SUGCT: variants seen among roughly 807,000 people sequenced by gnomAD.
SUGCT encodes succinyl-CoA:glutarate CoA-transferase.
Under a neutral mutation model 55.0 loss-of-function variants are expected in SUGCT, and 41 were observed. That is an observed-to-expected ratio of 0.74 (90% CI 0.58 to 0.97). The LOEUF (loss-of-function observed/expected upper bound fraction) is 0.97, where lower values mean the gene tolerates loss of function less well. SUGCT is among the 50% of genes least tolerant of loss of function. The probability of loss-of-function intolerance (pLI) is 0.00; values close to 1 mark genes in which losing one functional copy is unlikely to be tolerated. For missense variants in SUGCT, 568 were observed against 547.8 expected, an observed-to-expected ratio of 1.04 and a Z score of -0.37; for synonymous variants, 187 against 200.4, an observed-to-expected ratio of 0.93 and a Z score of 0.56.
At chr7:40,481,718 T>C (rs1791057562) in intron 11 of SUGCT, among the ~76,000 whole-genome samples, 1 of 152,140 alleles carries the variant, frequency 6.6e-6, no homozygotes, top group African/African-American at 2.4e-5. Flanking sequence ...TTTTTCCCTA[T>C]AACACTTGGA....
the SUGCT span, among the ~76,000 whole-genome samples, chr7:40,993,488 A>G: frequency 6.6e-6 from 1 of 152,176 alleles, no homozygotes; most frequent in Non-Finnish European, 1.5e-5. Context: ...CTCAGAGGGA[A>G]GATGGAAAAT....
intron 12 of SUGCT, among the ~76,000 whole-genome samples, chr7:40,713,738 T>G (rs1334693539): frequency 6.6e-6 from 1 of 152,168 alleles, no homozygotes; most frequent in Non-Finnish European, 1.5e-5. Context: ...AATTTGAGTG[T>G]TTGTCTGGGA....
At chr7:40,404,000 A>G (rs1477220078) in intron 9 of SUGCT, among the ~76,000 whole-genome samples, 8 of 152,306 alleles carry the variant, frequency 5.3e-5, no homozygotes, top group South Asian at 2.1e-4. Flanking sequence ...TTCCTTTTCC[A>G]CGCTGTAGCC....
Position 40,344,651 on chromosome 7 carries a change from T to G in SUGCT, c.816+27796T>G, listed in dbSNP as rs542358694. On this transcript the variant is annotated intron_variant, in intron 9 of 13. Transcript: ENST00000335693. ...CCTGCAAAGCTGAACATATTTATCA[T>G]GAACCATTTACAGAAAAAGTTTGCT... Among the ~76,000 whole-genome samples, 6 of 152,330 alleles carry G rather than the reference T, an allele frequency of 3.9e-5. No individual in the cohort carries two copies. The South Asian group carries it at 1.2e-3, about 32-fold the overall frequency.
intron 7 of SUGCT, among the ~76,000 whole-genome samples, chr7:40,261,561 T>C (rs1003207909): frequency 2.0e-5 from 3 of 152,210 alleles, no homozygotes; most frequent in Non-Finnish European, 4.4e-5. Context: ...TCCATTGTAG[T>C]GCTTGCCTGG....
At chr7:40,230,778 C>T (rs1427253066) in intron 6 of SUGCT, among the ~76,000 whole-genome samples, 1 of 152,084 alleles carries the variant, frequency 6.6e-6, no homozygotes, top group African/African-American at 2.4e-5. Flanking sequence ...TGGAGATGTC[C>T]ATACATGCAT....
chr7:40,749,607 C>A, intron 13 of SUGCT, 110 bp downstream of exon 13: 1 of 839,760 alleles, frequency 1.2e-6, no homozygotes, highest in Non-Finnish European at 2.0e-6. Context: ...AGACATTATC[C>A]AAATTTATAA....
chr7:40,911,607 G>C, the SUGCT span, among the ~76,000 whole-genome samples: 1 of 151,668 alleles, frequency 6.6e-6, no homozygotes, highest in East Asian at 1.9e-4. Flanking sequence ...TGGCACTTTG[G>C]GGCCCAGATA....
intron 13 of SUGCT, among the ~76,000 whole-genome samples, chr7:40,791,696 AG>A (rs1346924680): frequency 1.3e-5 from 2 of 152,214 alleles, no homozygotes; most frequent in Non-Finnish European, 2.9e-5. Flanking sequence ...GACAGGAAGG[AG>A]TAAAAAATGG....
At chr7:40,158,027 T>C (rs1442609699) in intron 1 of SUGCT, among the ~76,000 whole-genome samples, 1 of 151,856 alleles carries the variant, frequency 6.6e-6, no homozygotes, top group Non-Finnish European at 1.5e-5. Flanking sequence ...GCCAACATGG[T>C]GGAATCCCGT....
At chr7:41,029,365 C>T in the SUGCT span, among the ~76,000 whole-genome samples, 98 of 152,234 alleles carry the variant, frequency 6.4e-4, 1 homozygote, top group Non-Finnish European at 1.1e-3. Context: ...AGAGCCTACC[C>T]CCAGATTCTG....
At chr7:40,603,490 T>C (rs1262468407) in intron 12 of SUGCT, among the ~76,000 whole-genome samples, 1 of 152,186 alleles carries the variant, frequency 6.6e-6, no homozygotes, top group Admixed American at 6.5e-5. Flanking sequence ...TCCATAAGTT[T>C]TTTTGTGTAA....
the SUGCT span, among the ~76,000 whole-genome samples, chr7:40,868,164 C>A: frequency 6.6e-6 from 1 of 152,148 alleles, no homozygotes; most frequent in Non-Finnish European, 1.5e-5. Flanking sequence ...CTCCCCTTGA[C>A]ACTGAGCTAG....
chr7:40,625,026 T>C (rs1799459856), intron 12 of SUGCT, among the ~76,000 whole-genome samples: 1 of 152,194 alleles, frequency 6.6e-6, no homozygotes, highest in Non-Finnish European at 1.5e-5. Context: ...GAGGTCATCC[T>C]TGTCTCTGAG....
chr7:40,430,771 A>G (rs1787849107), intron 9 of SUGCT, among the ~76,000 whole-genome samples: 1 of 152,102 alleles, frequency 6.6e-6, no homozygotes. Context: ...TTCTGATCTT[A>G]TATTTAGGTC....
At chr7:40,360,089 C>T (rs1348769679) in intron 9 of SUGCT, among the ~76,000 whole-genome samples, 2 of 152,220 alleles carry the variant, frequency 1.3e-5, no homozygotes, top group African/African-American at 4.8e-5. Context: ...TCTCGGCTCA[C>T]TGCAACCTCC....
At chr7:40,563,116 C>T (rs1051763158) in intron 12 of SUGCT, among the ~76,000 whole-genome samples, 7 of 152,132 alleles carry the variant, frequency 4.6e-5, no homozygotes, top group African/African-American at 9.7e-5. Flanking sequence ...CTCTATGTCC[C>T]GTCCTCCTCC....
intron 1 of SUGCT, among the ~76,000 whole-genome samples, chr7:40,140,379 T>G (rs75942597): frequency 0.023 from 3,490 of 152,198 alleles, 127 homozygotes; most frequent in African/African-American, 0.08. Flanking sequence ...GGGTTATGTA[T>G]GCTGTTCCAT....
intron 13 of SUGCT, among the ~76,000 whole-genome samples, chr7:40,790,550 A>C (rs983770893): frequency 6.6e-6 from 1 of 152,262 alleles, no homozygotes; most frequent in African/African-American, 2.4e-5. Flanking sequence ...GGCCTAACTC[A>C]GATCAAAGAA....
Sources: gnomAD v4.1 joint callset for allele counts (sites outside exome capture counted in the v4.1 genomes callset) on GRCh38, gnomAD v4.1.1 for gene constraint, MANE v1.5 for transcripts, NCBI Gene and HGNC (gene_info 2026-07-23, HGNC 2026-07-21) for gene names.